The following FYCO1 variants were observed in gnomAD, a reference collection of about 807,000 sequenced individuals.
FYCO1 encodes the protein FYVE and coiled-coil domain autophagy adaptor 1, also known as FYVE and coiled-coil domain-containing protein 1.
In FYCO1, 122 loss-of-function variants were observed where a neutral mutation model predicts 165.1. The ratio of observed to expected loss-of-function variants is 0.74; its 90% confidence interval spans 0.64 to 0.86. The LOEUF (loss-of-function observed/expected upper bound fraction) is 0.86. FYCO1 is among the 40% of genes least tolerant of loss of function. The pLI is 0.00. For missense variants in FYCO1, 1,702 were observed against 1,810.3 expected (o/e 0.94, Z 1.09); for synonymous variants, 648 against 742.5 (o/e 0.87, Z 2.07).
At chr3:45,941,782 C>T (rs1167231770) in intron 14 of FYCO1, among the ~76,000 whole-genome samples, 3 of 152,206 alleles carry the variant, frequency 2.0e-5, no homozygotes, top group Admixed American at 6.5e-5. Flanking sequence ...GCCAAGGGTG[C>T]TTGACAAGGC....
At chr3:45,947,205 C>T (rs763696572) in intron 14 of FYCO1, 2 of 1,614,214 alleles carry the variant, frequency 1.2e-6, no homozygotes, top group East Asian at 2.2e-5. Context: ...TGTGTTCCTG[C>T]TGACCCAGAT....
rs114947013 is a variant in FYCO1 at position 45,937,421 on chromosome 3, A to G, written c.3945-878T>C. The stretch of plus-strand genomic sequence containing the variant: ...TCTCTGTGGCCCCCAAGGGCAGGGG[A>G]CATGGTATGACTGTAGTGGGGTCCA... On this transcript the variant is annotated intron_variant, in intron 14 of 17. Coordinates refer to ENST00000296137, the MANE Select transcript of FYCO1 (RefSeq NM_024513.4). 3.8e-3 allele frequency among the ~76,000 whole-genome samples: 580 copies of G among 152,286 alleles called. 3 individuals carry two copies. The highest frequency in any genetic ancestry group is 0.014 in the African/African-American group (562 of 41,564).
intron 14 of FYCO1, among the ~76,000 whole-genome samples, chr3:45,943,994 G>A (rs1704416330): frequency 6.6e-6 from 1 of 152,108 alleles, no homozygotes. Flanking sequence ...GAAGAAATAA[G>A]TCACCCATAA....
intron 14 of FYCO1, among the ~76,000 whole-genome samples, chr3:45,952,567 C>T (rs965491437): frequency 5.3e-5 from 8 of 152,184 alleles, no homozygotes; most frequent in African/African-American, 1.2e-4. Context: ...GTCCCAGATC[C>T]GCCTTGGTGG....
rs1300030148 is a variant in FYCO1, at chr3:45,973,067, C to T, written c.539+21G>A. 1.1e-5 allele frequency: 18 copies of T among 1,613,856 alleles called. No homozygotes were observed. In the Admixed American group the frequency reaches 2.8e-4, roughly 25 times the overall value. On this transcript the variant is annotated intron_variant, in intron 6 of 17. Coordinates refer to ENST00000296137, the MANE Select transcript of FYCO1 (RefSeq NM_024513.4). ...AATGTCTCTTTTCCTGTCTTTTAAACCAAGCAATCCTTCAAAGTACCTGGC... is the reference window on the plus strand; with the variant it reads ...AATGTCTCTTTTCCTGTCTTTTAAATCAAGCAATCCTTCAAAGTACCTGGC...
chr3:45,967,343 T>G lies in FYCO1; in HGVS notation c.1991A>C (p.Glu664Ala). Residue 664 changes from glutamate (E) to alanine (A), a missense_variant, in exon 8 of 18, where the codon GAG (glutamate) becomes GCG (alanine). Physicochemically the swap from Glu to Ala is moderately radical, Grantham distance 107. Coordinates refer to ENST00000296137, the MANE Select transcript of FYCO1 (RefSeq NM_024513.4). The stretch of plus-strand genomic sequence containing the variant: ...GTGCCGGATGCTGGCCTGCTCGGCC[T>G]CCAGGGAGGCCAAGGAGCCCTGGAT... The part of the protein sequence containing the change: ...SAIQGSLASL[E>A]AEQASIRHLG... 3.7e-6 allele frequency: 6 copies of G among 1,609,268 alleles called. No homozygotes were observed. The highest frequency in any genetic ancestry group is 5.1e-6 in the Non-Finnish European group (6 of 1,176,556).
chr3:45,968,757 T>C (rs1706259747), intron 7 of FYCO1, 54 bp from the exon 8 acceptor site: 2 of 1,607,750 alleles, frequency 1.2e-6, no homozygotes, highest in Non-Finnish European at 1.7e-6. Flanking sequence ...TACAGGGCTA[T>C]TTAGAAAAGC....
At position 45,923,840 on chromosome 3, in the gene FYCO1, T is replaced by G. The variant is rs574330122; in HGVS notation, c.4252-75A>C. 9.2e-6 allele frequency: 9 copies of G among 977,670 alleles called. 1 individual carries two copies. Among genetic ancestry groups the G allele is most frequent in the South Asian group, 7.7e-5 (6 of 77,894 alleles). The allele number at this position is 977,670 out of a possible 1,614,324, so 60.6% of individuals were successfully genotyped here. A position where few individuals can be genotyped will look rare whatever the true frequency, so the allele number is the denominator to read the frequency against. ...CTCGGCATCCTCAGGGAAGACCCTT[T>G]ATTTTGGGGTAGGAGGCTGAGTGTG... On this transcript the variant is annotated intron_variant, in intron 16 of 17. Coordinates refer to ENST00000296137, the MANE Select transcript of FYCO1 (RefSeq NM_024513.4).
At position 45,967,996 on chromosome 3, in the gene FYCO1, C is replaced by T. The variant is rs1706193054; in HGVS notation, c.1338G>A (p.Glu446=). The change falls in exon 8 of 18, where the codon GAG becomes GAA. Residue 446 remains glutamate (E), a synonymous_variant. Transcript: ENST00000296137. ...GTGGGGCCATCTCCTTCACCAGGCG[C>T]TCCAGGCTGGCCCGGGCATCCTCTT... The part of the protein sequence containing the change: ...QLKEDARASL[E]RLVKEMAPLQ... 10 of 1,614,152 alleles carry T rather than the reference C, an allele frequency of 6.2e-6. No homozygotes were observed. Among genetic ancestry groups the T allele is most frequent in the Middle Eastern group, 1.6e-4 (1 of 6,062 alleles).
At chr3:45,949,151 A>G (rs1489678452) in intron 14 of FYCO1, among the ~76,000 whole-genome samples, 2 of 152,200 alleles carry the variant, frequency 1.3e-5, no homozygotes, top group East Asian at 3.8e-4. Context: ...CAGAGCCCAC[A>G]TGATCCTACC....
chr3:45,925,355 C>T (rs934662328), intron 16 of FYCO1, among the ~76,000 whole-genome samples: 39 of 152,008 alleles, frequency 2.6e-4, no homozygotes, highest in African/African-American at 8.9e-4. Context: ...GGTCTACAGA[C>T]AACGGAAGCA....
At chr3:45,930,841 G>T (rs899606278) in intron 16 of FYCO1, among the ~76,000 whole-genome samples, 3 of 148,946 alleles carry the variant, frequency 2.0e-5, no homozygotes, top group African/African-American at 7.8e-5. Context: ...TTTCACACAG[G>T]TGTGACCTTC....
chr3:45,954,231 G>A (rs1440938551), intron 14 of FYCO1, among the ~76,000 whole-genome samples: 1 of 151,028 alleles, frequency 6.6e-6, no homozygotes, highest in Non-Finnish European at 1.5e-5. Flanking sequence ...GGGGTAAGGC[G>A]ATTTTTTTAA....
rs147342222 is a variant in FYCO1 at position 45,962,304 on chromosome 3, C to G, written c.3358G>C (p.Asp1120His). 4 of 1,614,238 alleles carry G rather than the reference C, an allele frequency of 2.5e-6. No homozygotes were observed. Among genetic ancestry groups the G allele is most frequent in the Non-Finnish European group, 3.4e-6 (4 of 1,180,036 alleles). ...TCCAGGTCAGCAAGCATCTTCTGGT[C>G]ATTCCTCTCACGATTTGTCACCTCC... ...CQEVTNRERN[D>H]QKMLADLDDL... The change falls in exon 11 of 18, where the codon GAC (aspartate) becomes CAC (histidine). Residue 1120 changes from aspartate (D) to histidine (H), a missense_variant. By Grantham distance (81) the Asp-to-His change is moderately conservative. Transcript: ENST00000296137. The surrounding 1 kb of genome is among the most constrained non-coding windows in gnomAD (Gnocchi z 4.4).
rs569096080 is a variant in FYCO1, at chr3:45,975,277, G to A, written c.357C>T (p.Asp119=). Residue 119 remains aspartate, a synonymous_variant, in exon 5 of 18, where the codon GAC becomes GAT. Transcript: ENST00000296137. ...TGTTCATGAAGCACTGCTGTAAGGTGTCTGCCAACCTCTGGTGCACCAAGG... is the reference window on the plus strand; with the variant it reads ...TGTTCATGAAGCACTGCTGTAAGGTATCTGCCAACCTCTGGTGCACCAAGG... ...RYSLVHQRLA[D]TLQQCFMNTK... is the part of the protein sequence containing the mutation. The A allele has an allele frequency of 4.5e-5, 73 of 1,613,978 alleles. No homozygotes were observed. Among genetic ancestry groups the A allele is most frequent in the East Asian group, 3.3e-4 (15 of 44,872 alleles).
At chr3:45,924,446 T>A (rs1366645202) in intron 16 of FYCO1, among the ~76,000 whole-genome samples, 1 of 152,172 alleles carries the variant, frequency 6.6e-6, no homozygotes, top group African/African-American at 2.4e-5. Flanking sequence ...ACAAAATCTG[T>A]GCAAAGGGTG....
rs72889984 is a variant in FYCO1 at position 45,951,464 on chromosome 3, C to T, written c.3944+3785G>A. Among the ~76,000 whole-genome samples, 689 of 152,236 alleles carry T rather than the reference C, an allele frequency of 4.5e-3. 9 individuals are homozygous for T. The highest frequency in any genetic ancestry group is 0.015 in the African/African-American group (627 of 41,526). ...TCATCTGGTAGCTAGAGGGGGAGGC[C>T]GGGCCTCAAGGAGGCCATGACTGGG... On this transcript the variant is annotated intron_variant, in intron 14 of 17. Coordinates refer to ENST00000296137, the MANE Select transcript of FYCO1 (RefSeq NM_024513.4).
chr3:45,924,952 T>G (rs1703250424), intron 16 of FYCO1, among the ~76,000 whole-genome samples: 1 of 149,608 alleles, frequency 6.7e-6, no homozygotes, highest in African/African-American at 2.5e-5. Context: ...TTTTTTAAGA[T>G]GGAGTCTCAC....
At chr3:45,961,862 AT>A (rs1705714982) in intron 11 of FYCO1, among the ~76,000 whole-genome samples, 1 of 152,244 alleles carries the variant, frequency 6.6e-6, no homozygotes, top group Non-Finnish European at 1.5e-5. Flanking sequence ...ACTTGTCAGC[AT>A]TAAAAAATCA....
Sources: allele counts gnomAD v4.1 joint callset (sites outside exome capture counted in the v4.1 genomes callset), GRCh38; gene constraint gnomAD v4.1.1; non-coding constraint Gnocchi (gnomAD v3.1); transcripts MANE v1.5; gene names NCBI Gene and HGNC (gene_info 2026-07-23, HGNC 2026-07-21).